The following GRHL2 variants were observed in gnomAD, a reference collection of about 807,000 sequenced individuals.
GRHL2 encodes the protein grainyhead-like protein 2 homolog.
Under a neutral mutation model 83.8 loss-of-function variants are expected in GRHL2, and 21 were observed. The observed-to-expected ratio is 0.25, with a 90% confidence interval of 0.18 to 0.36. The LOEUF is 0.36. Ranked by LOEUF, GRHL2 falls within the 10% of genes least tolerant of loss-of-function variation. The pLI, the probability that GRHL2 is intolerant of heterozygous loss-of-function variation, is 1.00. For missense variants in GRHL2, 623 were observed against 781.8 expected (o/e 0.80, Z 2.42); for synonymous variants, 280 against 278.9 (o/e 1.00, Z -0.04).
chr8:101,665,332 T>C (rs1305447922), intron 15 of GRHL2, among the ~76,000 whole-genome samples: 1 of 152,146 alleles, frequency 6.6e-6, no homozygotes, highest in Non-Finnish European at 1.5e-5. Context: ...TTGACTCAGC[T>C]TCTGGGGTAT....
intron 1 of GRHL2, among the ~76,000 whole-genome samples, chr8:101,521,318 C>G (rs781173891): frequency 6.6e-6 from 1 of 152,174 alleles, no homozygotes; most frequent in Admixed American, 6.5e-5. Context: ...CACACATGAT[C>G]GCTGGCTGGA....
At chr8:101,674,299 A>G (rs975712561), downstream of GRHL2, among the ~76,000 whole-genome samples, 3 of 152,180 alleles carry the variant, frequency 2.0e-5, no homozygotes, top group African/African-American at 7.2e-5. Flanking sequence ...AACAATATCG[A>G]TAGACCGCTA....
intron 9 of GRHL2, among the ~76,000 whole-genome samples, chr8:101,627,762 G>A (rs1469951993): frequency 6.6e-6 from 1 of 152,082 alleles, no homozygotes; most frequent in Non-Finnish European, 1.5e-5. Flanking sequence ...CTACTCCAGT[G>A]AACACACAAA....
chr8:101,539,841 T>G (rs1251933584), intron 1 of GRHL2, among the ~76,000 whole-genome samples: 1 of 152,150 alleles, frequency 6.6e-6, no homozygotes, highest in Non-Finnish European at 1.5e-5. Flanking sequence ...TGTCCTGTCA[T>G]TAGGTTAGTC....
At chr8:101,492,856 T>C (rs1396505946) in intron 1 of GRHL2, 67 bp downstream of exon 1, 45 of 1,465,326 alleles carry the variant, frequency 3.1e-5, no homozygotes, top group Non-Finnish European at 4.3e-5. Flanking sequence ...ACTGGTTTGT[T>C]ATGTTTTTGT....
At chr8:101,511,939 T>C (rs1429982156) in intron 1 of GRHL2, among the ~76,000 whole-genome samples, 1 of 152,228 alleles carries the variant, frequency 6.6e-6, no homozygotes, top group African/African-American at 2.4e-5. Context: ...AAGCAATACA[T>C]AATATTTCCC....
chr8:101,494,784 G>A (rs969845622), intron 1 of GRHL2, among the ~76,000 whole-genome samples: 3 of 152,202 alleles, frequency 2.0e-5, no homozygotes, highest in African/African-American at 7.2e-5. Context: ...AATAAGTACT[G>A]AGCGCCCGCA....
At chr8:101,510,752 T>C (rs745914530) in intron 1 of GRHL2, among the ~76,000 whole-genome samples, 1 of 152,220 alleles carries the variant, frequency 6.6e-6, no homozygotes, top group Non-Finnish European at 1.5e-5. Flanking sequence ...GATGTTTTTC[T>C]AGGCATTGTA....
At chr8:101,542,195 C>A (rs1190772425) in intron 1 of GRHL2, among the ~76,000 whole-genome samples, 2 of 152,168 alleles carry the variant, frequency 1.3e-5, no homozygotes, top group Non-Finnish European at 2.9e-5. Flanking sequence ...TGATTACATT[C>A]AATGTCTTAC....
At chr8:101,656,869 A>ACACACACACAC (rs1813799855) in intron 14 of GRHL2, among the ~76,000 whole-genome samples, 4 of 55,358 alleles carry the variant, frequency 7.2e-5, no homozygotes, top group African/African-American at 1.8e-4. Flanking sequence ...TTATGTGTCT[A>ACACACACACAC]ACAGACACAC....
intron 1 of GRHL2, chr8:101,542,772 A>G (rs1811181183): frequency 2.2e-6 from 1 of 456,714 alleles, no homozygotes; most frequent in Non-Finnish European, 4.4e-6. Flanking sequence ...TTGCTGCATC[A>G]TCTTATGGGG....
chr8:101,628,130 C>A (rs918976523), intron 9 of GRHL2, among the ~76,000 whole-genome samples: 1 of 152,236 alleles, frequency 6.6e-6, no homozygotes, highest in Non-Finnish European at 1.5e-5. Flanking sequence ...GAACAAACAG[C>A]CTTCTATTGG....
At chr8:101,573,521 C>A in intron 5 of GRHL2, 147 bp from the exon 6 acceptor site, 1 of 899,098 alleles carries the variant, frequency 1.1e-6, no homozygotes, top group Non-Finnish European at 1.8e-6. Context: ...TTGATCTGGT[C>A]TCATCTCTTT....
the GRHL2 span, among the ~76,000 whole-genome samples, chr8:101,681,082 A>T: frequency 1.9e-4 from 27 of 145,170 alleles, no homozygotes; most frequent in Non-Finnish European, 3.9e-4. Flanking sequence ...AAATCAGAGC[A>T]GAACTGAAGG....
chr8:101,653,747 AC>A lies in GRHL2; in HGVS notation c.1698+4249del, dbSNP rs1229444253. On this transcript the variant is annotated intron_variant, in intron 14 of 15. Coordinates refer to ENST00000646743, the MANE Select transcript of GRHL2 (RefSeq NM_024915.4). Reference sequence around the variant, plus strand: ...AGAGTGACTCTGTCTCAAAAAAAAAACAAAAACAAAAACAAAGATGCCATCC... The same window carrying A: ...AGAGTGACTCTGTCTCAAAAAAAAAAAAAAACAAAAACAAAGATGCCATCC... Among the ~76,000 whole-genome samples the A allele has an allele frequency of 2.3e-4, 14 of 60,816 alleles. No individual in the cohort carries two copies. In the African/African-American group the frequency reaches 2.6e-3, roughly 11 times the overall value. The allele number at this position is 60,816 out of a possible 152,430, so 39.9% of individuals were successfully genotyped here.
intron 5 of GRHL2, among the ~76,000 whole-genome samples, chr8:101,572,063 A>G (rs1811838620): frequency 6.6e-6 from 1 of 152,170 alleles, no homozygotes; most frequent in African/African-American, 2.4e-5. Flanking sequence ...TGTTATGGGC[A>G]GGCTTGATGG....
intron 1 of GRHL2, among the ~76,000 whole-genome samples, chr8:101,515,072 A>T (rs1235788389): frequency 2.9e-5 from 3 of 103,666 alleles, no homozygotes; most frequent in African/African-American, 8.4e-5. Flanking sequence ...CCTTGTTCCT[A>T]CCTCCCTCCC....
chr8:101,664,664 G>T, intron 15 of GRHL2, 146 bp downstream of exon 15: 1 of 671,122 alleles, frequency 1.5e-6, no homozygotes. Context: ...TTGCAGAGGA[G>T]ATTGCATTTG....
At chr8:101,505,124 T>G (rs1810311645) in intron 1 of GRHL2, among the ~76,000 whole-genome samples, 1 of 152,208 alleles carries the variant, frequency 6.6e-6, no homozygotes, top group Non-Finnish European at 1.5e-5. Flanking sequence ...GTATACATTT[T>G]GGCCGTGTGC....
Sources: allele counts gnomAD v4.1 joint callset (sites outside exome capture counted in the v4.1 genomes callset), GRCh38; gene constraint gnomAD v4.1.1; transcripts MANE v1.5; gene names NCBI Gene and HGNC (gene_info 2026-07-23, HGNC 2026-07-21).